SFSWAP: variants seen among roughly 807,000 people sequenced by gnomAD.
The protein encoded by SFSWAP is splicing factor, suppressor of white-apricot homolog.
SFSWAP carries 17 observed loss-of-function variants against 100.7 expected under a neutral mutation model. That is an observed-to-expected ratio of 0.17 (90% CI 0.12 to 0.25). The LOEUF is 0.25. Ranked by LOEUF, SFSWAP falls within the 10% of genes least tolerant of loss-of-function variation. The pLI, the probability that SFSWAP is intolerant of heterozygous loss-of-function variation, is 1.00. For synonymous variants in SFSWAP, 504 were observed against 510.1 expected, an observed-to-expected ratio of 0.99 and a Z score of 0.16; for missense variants, 1,005 against 1,262.6, an observed-to-expected ratio of 0.80 and a Z score of 3.09.
At chr12:131,716,992 C>G (rs746904406) in intron 3 of SFSWAP, among the ~76,000 whole-genome samples, 9 of 152,142 alleles carry the variant, frequency 5.9e-5, no homozygotes, top group Non-Finnish European at 1.0e-4. Context: ...ATCGTGTTCT[C>G]AGAACATTGC....
At chr12:131,769,973 G>A (rs921002568) in intron 13 of SFSWAP, among the ~76,000 whole-genome samples, 1 of 152,180 alleles carries the variant, frequency 6.6e-6, no homozygotes, top group Non-Finnish European at 1.5e-5. Flanking sequence ...GGATATATGT[G>A]TGTGTCTGTG....
At position 131,786,488 on chromosome 12, in the gene SFSWAP, A is replaced by G. The variant is rs1357030122; in HGVS notation, c.2434A>G (p.Arg812Gly). ...GTCCCGCTCCCGGTCCCCTCGGAGG[A>G]GAGCCCACTCCCCTGAGAGACGGAG... is the stretch of plus-strand genomic sequence containing the variant. ...SRSRSRSPRR[R>G]AHSPERRREE... Residue 812 changes from arginine to glycine, a missense_variant, in exon 15 of 18, where the codon AGA becomes GGA. By Grantham distance (125) the Arg-to-Gly change is moderately radical. Transcript: ENST00000261674. 1.3e-6 allele frequency: 2 copies of G among 1,587,012 alleles called. No individual in the cohort carries two copies. Among genetic ancestry groups the G allele is most frequent in the Non-Finnish European group, 8.6e-7 (1 of 1,167,696 alleles).
intron 11 of SFSWAP, among the ~76,000 whole-genome samples, chr12:131,760,400 A>C (rs1213745197): frequency 6.6e-6 from 1 of 152,210 alleles, no homozygotes; most frequent in Non-Finnish European, 1.5e-5. Context: ...AAAAAGAAAA[A>C]TCGATGGCTA....
chr12:131,789,758 T>C (rs1395297426), intron 15 of SFSWAP, among the ~76,000 whole-genome samples: 1 of 152,098 alleles, frequency 6.6e-6, no homozygotes, highest in African/African-American at 2.4e-5. Flanking sequence ...TTGGGCTTCG[T>C]CTTGCTGTGT....
At chr12:131,790,944 A>G (rs1006918144) in intron 15 of SFSWAP, among the ~76,000 whole-genome samples, 1 of 152,268 alleles carries the variant, frequency 6.6e-6, no homozygotes, top group African/African-American at 2.4e-5. Flanking sequence ...ATGCTTTCTT[A>G]AATTCATGAA....
rs958559198 is a variant in SFSWAP, at chr12:131,733,340, A to G, written c.1081+4912A>G. 2.0e-5 allele frequency among the ~76,000 whole-genome samples: 3 copies of G among 152,172 alleles called. No individual in the cohort carries two copies. The highest frequency in any genetic ancestry group is 2.9e-5 in the Non-Finnish European group (2 of 68,012). The stretch of plus-strand genomic sequence containing the variant: ...GAGCCAGGGGTGGATTGGCAGGCCT[A>G]TAAGGCGCCTTTCACATTGAGGGTC... On this transcript the variant is annotated intron_variant, in intron 7 of 17. Coordinates refer to ENST00000261674, the MANE Select transcript of SFSWAP (RefSeq NM_004592.4). The surrounding 1 kb of genome is among the most constrained non-coding windows in gnomAD (Gnocchi z 5.1).
chr12:131,762,892 C>T (rs1351190140), intron 11 of SFSWAP, among the ~76,000 whole-genome samples: 2 of 152,218 alleles, frequency 1.3e-5, no homozygotes, highest in Non-Finnish European at 2.9e-5. Flanking sequence ...AGCCACTGCA[C>T]CCGGCCAATT....
At position 131,754,627 on chromosome 12, in the gene SFSWAP, CTTTTTTTTTTTTTT is replaced by C. The variant is rs869226840; in HGVS notation, c.1454+139_1454+152del. 35 of 80,758 alleles carry C rather than the reference CTTTTTTTTTTTTTT, an allele frequency of 4.3e-4. 1 individual carries two copies. In the South Asian group the frequency reaches 6.7e-3, roughly 15 times the overall value. 5.0% of individuals were successfully genotyped at this position (80,758 alleles called of 1,614,324 possible). On this transcript the variant is annotated intron_variant, in intron 9 of 17. Coordinates refer to ENST00000261674, the MANE Select transcript of SFSWAP (RefSeq NM_004592.4). ...TTAAGCCTTTTCTTGGCTCAAATGTCTTTTTTTTTTTTTTTTTTTTTTTTGAGATGGAGTCTTGC... is the reference window on the plus strand; with the variant it reads ...TTAAGCCTTTTCTTGGCTCAAATGTCTTTTTTTTTTGAGATGGAGTCTTGC...
Position 131,753,327 on chromosome 12 carries a change from C to T in SFSWAP, c.1286C>T (p.Thr429Ile). ...TPLPPPTTAETSSGATSTTTT... is the reference protein window; with the variant it reads ...TPLPPPTTAEISSGATSTTTT... ...CTACCGCCCCCAACCACAGCAGAGACTAGCAGCGGGGCCACCTCCACAACC... is the reference window on the plus strand; with the variant it reads ...CTACCGCCCCCAACCACAGCAGAGATTAGCAGCGGGGCCACCTCCACAACC... Residue 429 changes from threonine (T) to isoleucine (I), a missense_variant, in exon 8 of 18, where the codon ACT becomes ATT. Physicochemically the swap from Thr to Ile is moderately conservative, Grantham distance 89. This residue lies in a region of SFSWAP where 311 missense variants were observed against 317.8 expected (regional missense o/e 0.98). Transcript: ENST00000261674. The T allele has an allele frequency of 6.2e-7, 1 of 1,612,358 alleles. No individual in the cohort carries two copies.
Position 131,730,752 on chromosome 12 carries a change from A to G in SFSWAP, c.1081+2324A>G, listed in dbSNP as rs1879420013. On this transcript the variant is annotated intron_variant, in intron 7 of 17. Coordinates refer to ENST00000261674, the MANE Select transcript of SFSWAP (RefSeq NM_004592.4). This position sits in a 1 kb window ranked among gnomAD's most constrained non-coding sequence, Gnocchi z 4.0. ...TACTCTGTTCAGGCCCCTGACTACC[A>G]CCACCCTGGGCACTGACGGCACCCC... Among the ~76,000 whole-genome samples the G allele has an allele frequency of 6.6e-6, 1 of 151,958 alleles. No individual in the cohort carries two copies. The highest frequency in any genetic ancestry group is 2.1e-4 in the South Asian group (1 of 4,810).
At chr12:131,735,237 C>T (rs1184913083) in intron 7 of SFSWAP, among the ~76,000 whole-genome samples, 1 of 152,228 alleles carries the variant, frequency 6.6e-6, no homozygotes, top group Non-Finnish European at 1.5e-5. Context: ...TGCATCATCC[C>T]TACACGCCCG....
Position 131,798,966 on chromosome 12 carries a change from A to G in SFSWAP, c.2718-71A>G, listed in dbSNP as rs1489841351. On this transcript the variant is annotated intron_variant, in intron 16 of 17. Transcript: ENST00000261674. ...CTAGAGTTGGGGTTCGGAGGTGGGG[A>G]TGCTGTTCACTGGCCTTGGCTCAGC... is the stretch of plus-strand genomic sequence containing the variant. 1.4e-5 allele frequency: 15 copies of G among 1,081,628 alleles called. No homozygotes were observed. The East Asian group carries it at 2.6e-4, about 19-fold the overall frequency. 67.0% of individuals were successfully genotyped at this position (1,081,628 alleles called of 1,614,324 possible).
intron 14 of SFSWAP, among the ~76,000 whole-genome samples, chr12:131,782,825 A>G (rs1048021817): frequency 6.6e-6 from 1 of 152,216 alleles, no homozygotes; most frequent in African/African-American, 2.4e-5. Context: ...AGTTTTGGAA[A>G]ATCACTATGT....
chr12:131,757,011 T>G (rs2136228585), intron 11 of SFSWAP: 1 of 180,338 alleles, frequency 5.5e-6, no homozygotes, highest in African/African-American at 2.4e-5. Flanking sequence ...GCAGATTCCT[T>G]GAGAATCTCT....
chr12:131,797,771 G>C (rs1885789930), intron 16 of SFSWAP, among the ~76,000 whole-genome samples: 2 of 152,238 alleles, frequency 1.3e-5, no homozygotes, highest in South Asian at 4.1e-4. Context: ...ACGCCAACCT[G>C]TCACCGGGCA....
intron 3 of SFSWAP, among the ~76,000 whole-genome samples, chr12:131,715,616 A>G (rs573168485): frequency 1.3e-5 from 2 of 152,360 alleles, no homozygotes; most frequent in East Asian, 1.9e-4. Flanking sequence ...CTCCACTACC[A>G]CAGCGCTGCA....
chr12:131,749,097 G>A (rs1000710944), intron 7 of SFSWAP, among the ~76,000 whole-genome samples: 15 of 152,168 alleles, frequency 9.9e-5, no homozygotes, highest in African/African-American at 3.6e-4. Flanking sequence ...TATAAAATAG[G>A]CTTCGTGTTA....
At chr12:131,783,795 TATATA>T (rs1566055408) in intron 14 of SFSWAP, 10 of 30,514 alleles carry the variant, frequency 3.3e-4, no homozygotes, top group African/African-American at 5.9e-4. Flanking sequence ...AAACATTTTA[TATATA>T]TATATATATA....
chr12:131,742,930 G>A (rs539980011), intron 7 of SFSWAP, among the ~76,000 whole-genome samples: 2 of 152,314 alleles, frequency 1.3e-5, no homozygotes, highest in African/African-American at 2.4e-5. Flanking sequence ...GCAAGGAGGA[G>A]CAAGTCATGT....
Sources: gnomAD v4.1 joint callset for allele counts (sites outside exome capture counted in the v4.1 genomes callset) on GRCh38, gnomAD v4.1.1 for gene constraint, gnomAD v4.1.1 regional missense constraint, Gnocchi (gnomAD v3.1) non-coding constraint, MANE v1.5 for transcripts, NCBI Gene and HGNC (gene_info 2026-07-23, HGNC 2026-07-21) for gene names.